Variants in C10orf67 observed in about 807,000 individuals in gnomAD.
C10orf67 encodes the protein uncharacterized protein C10orf67, mitochondrial.
C10orf67 carries 60 observed loss-of-function variants against 35.6 expected under a neutral mutation model. The ratio of observed to expected loss-of-function variants is 1.68; its 90% confidence interval spans 1.37 to 2.09. C10orf67 has a LOEUF of 2.09. C10orf67 is among the 30% of genes most tolerant of loss of function. The pLI, the probability that C10orf67 is intolerant of heterozygous loss-of-function variation, is 0.00. For synonymous variants in C10orf67, 167 were observed against 115.8 expected (o/e 1.44, Z -2.84); for missense variants, 474 against 330.2 (o/e 1.44, Z -3.38).
intron 10 of C10orf67, among the ~76,000 whole-genome samples, 169 bp from the exon 11 acceptor site, chr10:23,250,860 A>G (rs1305990426): frequency 2.0e-5 from 3 of 151,790 alleles, no homozygotes; most frequent in Non-Finnish European, 4.4e-5. Context: ...CATTTTGGGA[A>G]GCCAAAGTGG....
intron 1 of C10orf67, chr10:23,344,047 G>T: frequency 3.0e-6 from 1 of 333,168 alleles, no homozygotes; most frequent in Non-Finnish European, 6.5e-6. Context: ...GCTCTCCTGA[G>T]TCGGAGTCGG....
intron 13 of C10orf67, among the ~76,000 whole-genome samples, chr10:23,228,316 C>A (rs1341813501): frequency 1.3e-5 from 2 of 152,144 alleles, no homozygotes; most frequent in South Asian, 2.1e-4. Context: ...CTTTGACAAA[C>A]CTGACAAAAA....
chr10:23,343,670 G>A (rs1285132244), intron 1 of C10orf67, among the ~76,000 whole-genome samples: 1 of 152,320 alleles, frequency 6.6e-6, no homozygotes, highest in East Asian at 1.9e-4. Context: ...CTGTGAGAGG[G>A]TCGCCAAGAT....
chr10:23,333,525 A>G (rs1845558836), intron 1 of C10orf67, among the ~76,000 whole-genome samples: 2 of 152,256 alleles, frequency 1.3e-5, no homozygotes, highest in South Asian at 4.1e-4. Context: ...TATTCAGCAG[A>G]AATCCTTTAA....
intron 10 of C10orf67, among the ~76,000 whole-genome samples, chr10:23,263,326 T>A (rs1300278851): frequency 6.6e-6 from 1 of 152,214 alleles, no homozygotes; most frequent in African/African-American, 2.4e-5. Context: ...GAAGAAAAGA[T>A]CTTTTCTTCA....
chr10:23,224,175 C>T (rs946726645), intron 13 of C10orf67, among the ~76,000 whole-genome samples: 28 of 152,184 alleles, frequency 1.8e-4, no homozygotes, highest in Non-Finnish European at 2.4e-4. Flanking sequence ...CCCTCTGAGA[C>T]GAAGCTTCCA....
rs1271438885 is a variant in C10orf67, at chr10:23,250,599, C to G, written c.1280+13G>C. The stretch of plus-strand genomic sequence containing the variant: ...TATCTCATTACCAGTGCCTTTTACT[C>G]TATTACCAGTACCTTTCCACCTTCT... On this transcript the variant is annotated intron_variant, in intron 11 of 15. Coordinates refer to ENST00000636213, the MANE Select transcript of C10orf67 (RefSeq NM_001371909.1). 1 of 398,522 alleles carries G rather than the reference C, an allele frequency of 2.5e-6. No individual in the cohort carries two copies. Among genetic ancestry groups the G allele is most frequent in the African/African-American group, 2.1e-5 (1 of 48,608 alleles). 24.7% of individuals were successfully genotyped at this position (398,522 alleles called of 1,614,324 possible). A position where few individuals can be genotyped will look rare whatever the true frequency, so the allele number is the denominator to read the frequency against.
At chr10:23,323,676 T>C (rs191231370) in intron 2 of C10orf67, among the ~76,000 whole-genome samples, 109 of 151,144 alleles carry the variant, frequency 7.2e-4, no homozygotes, top group Non-Finnish European at 1.4e-3. Flanking sequence ...TTTGGGACGC[T>C]GAAGTGGACA....
intron 15 of C10orf67, among the ~76,000 whole-genome samples, chr10:23,219,099 C>G (rs898341901): frequency 3.3e-5 from 5 of 152,146 alleles, no homozygotes; most frequent in African/African-American, 1.2e-4. Flanking sequence ...TCCAAGGCTT[C>G]AAAGGGTAAA....
chr10:23,209,958 C>T (rs1841261594), intron 15 of C10orf67, among the ~76,000 whole-genome samples: 1 of 134,728 alleles, frequency 7.4e-6, no homozygotes, highest in Admixed American at 8.4e-5. Context: ...CGAGATTGCA[C>T]CATTGCACTC....
intron 8 of C10orf67, among the ~76,000 whole-genome samples, chr10:23,275,747 G>T (rs2132222446): frequency 6.6e-6 from 1 of 152,196 alleles, no homozygotes; most frequent in South Asian, 2.1e-4. Context: ...CTTTTGACCA[G>T]GTAAGCCCCA....
chr10:23,329,797 C>CA (rs398013008), intron 2 of C10orf67, among the ~76,000 whole-genome samples: 17,303 of 48,094 alleles, frequency 0.36, 3,504 homozygotes, highest in Middle Eastern at 0.47. Context: ...GAACTTGTCT[C>CA]AAAAAAAAAA....
At chr10:23,218,448 C>T (rs775066839) in intron 15 of C10orf67, among the ~76,000 whole-genome samples, 1 of 151,826 alleles carries the variant, frequency 6.6e-6, no homozygotes, top group Non-Finnish European at 1.5e-5. Flanking sequence ...ACTCCCAGCC[C>T]CAGGTTTTAA....
intron 13 of C10orf67, among the ~76,000 whole-genome samples, chr10:23,231,738 G>C (rs1238572925): frequency 2.0e-5 from 3 of 152,180 alleles, no homozygotes; most frequent in African/African-American, 7.2e-5. Flanking sequence ...ATAGTAAAAA[G>C]TGAGAACCAA....
intron 2 of C10orf67, among the ~76,000 whole-genome samples, chr10:23,324,942 A>G (rs933043803): frequency 1.3e-5 from 2 of 152,070 alleles, no homozygotes; most frequent in African/African-American, 4.8e-5. Flanking sequence ...GTTTTATTTT[A>G]CTGGTGAGAA....
At chr10:23,270,784 G>A (rs1842996921) in intron 8 of C10orf67, among the ~76,000 whole-genome samples, 5 of 152,200 alleles carry the variant, frequency 3.3e-5, no homozygotes, top group Admixed American at 2.6e-4. Context: ...ACATGAGGAG[G>A]AGTCTCCCAC....
At chr10:23,301,573 G>C (rs1423210749) in intron 5 of C10orf67, among the ~76,000 whole-genome samples, 1 of 152,192 alleles carries the variant, frequency 6.6e-6, no homozygotes, top group East Asian at 1.9e-4. Context: ...ATGGTGGTGG[G>C]CCACTTCCAA....
At position 23,247,338 on chromosome 10, in the gene C10orf67, T is replaced by C. The variant is rs527726528; in HGVS notation, c.1346+3117A>G. On this transcript the variant is annotated intron_variant, in intron 12 of 15. Coordinates refer to ENST00000636213, the MANE Select transcript of C10orf67 (RefSeq NM_001371909.1). ...CCGCATTTTCACTGTATCTTTTCTATGTTTAGGTATATTTAGATGCATAAA... is the reference window on the plus strand; with the variant it reads ...CCGCATTTTCACTGTATCTTTTCTACGTTTAGGTATATTTAGATGCATAAA... 1.6e-4 allele frequency among the ~76,000 whole-genome samples: 24 copies of C among 152,320 alleles called. 1 individual carries two copies. In the South Asian group the frequency reaches 5.0e-3, roughly 32 times the overall value.
At chr10:23,340,367 AAAAT>A (rs1210788997) in intron 1 of C10orf67, among the ~76,000 whole-genome samples, 1 of 151,340 alleles carries the variant, frequency 6.6e-6, no homozygotes, top group African/African-American at 2.4e-5. Context: ...AAAAAAAAAA[AAAAT>A]TAGCTGGGCC....
Sources: gnomAD v4.1 joint callset for allele counts (sites outside exome capture counted in the v4.1 genomes callset) on GRCh38, gnomAD v4.1.1 for gene constraint, MANE v1.5 for transcripts, NCBI Gene and HGNC (gene_info 2026-07-23, HGNC 2026-07-21) for gene names.